PKD1L3: variants seen among roughly 807,000 people sequenced by gnomAD.
PKD1L3 encodes the protein polycystin-1-like protein 3.
PKD1L3 carries 239 observed loss-of-function variants against 184.1 expected under a neutral mutation model. The ratio of observed to expected loss-of-function variants is 1.30; its 90% CI spans 1.17 to 1.45. PKD1L3 has a LOEUF of 1.45. PKD1L3 is among the 40% of genes most tolerant of loss of function. The pLI, the probability that PKD1L3 is intolerant of heterozygous loss-of-function variation, is 0.00. For synonymous variants in PKD1L3, 996 were observed against 778.8 expected (o/e 1.28, Z -4.64); for missense variants, 2,660 against 2,067.2 (o/e 1.29, Z -5.56).
intron 5 of PKD1L3, among the ~76,000 whole-genome samples, chr16:71,985,439 G>A (rs1414387795): frequency 2.6e-5 from 4 of 152,008 alleles, no homozygotes; most frequent in African/African-American, 4.8e-5. Flanking sequence ...TTTTTTGAGA[G>A]AGAGTTTTGT....
In PKD1L3 at chr16:71,933,422, C is replaced by T; in HGVS notation, c.4924G>A (p.Glu1642Lys). The T allele has an allele frequency of 6.5e-7, 1 of 1,538,240 alleles. No homozygotes were observed. Among genetic ancestry groups the T allele is most frequent in the Non-Finnish European group, 8.8e-7 (1 of 1,134,772 alleles). The change falls in exon 28 of 30, where the codon GAG (glutamate) becomes AAG (lysine). Residue 1642 changes from glutamate to lysine, a missense_variant and splice_region_variant. Coordinates refer to ENST00000620267, the MANE Select transcript of PKD1L3 (RefSeq NM_181536.2). ...GLLMGISHQE[E>K]VFALDPVLGT... ...AGGAAACAAATTATTATTTTTACCT[C>T]CTCTTGGTGAGAAATTCCCATCAGG...
rs569160586 is a variant in PKD1L3, at chr16:71,997,697, G to A, written c.418+575C>T. 2.4e-4 allele frequency among the ~76,000 whole-genome samples: 37 copies of A among 152,116 alleles called. No homozygotes were observed. The South Asian group carries it at 5.2e-3, about 21-fold the overall frequency. On this transcript the variant is annotated intron_variant, in intron 2 of 29. Transcript: ENST00000620267. ...CGGGAGGCGGAGCTTGTGGTGAGCC[G>A]AGATTGTGCCATTGCACTCCAGCCT...
At chr16:71,983,687 G>GTTTTTC (rs1360422609) in intron 6 of PKD1L3, among the ~76,000 whole-genome samples, 14 of 109,390 alleles carry the variant, frequency 1.3e-4, no homozygotes, top group East Asian at 2.7e-4. Flanking sequence ...TTTTTTTTTG[G>GTTTTTC]AGACACAGTC....
intron 18 of PKD1L3, among the ~76,000 whole-genome samples, 173 bp downstream of exon 18, chr16:71,952,721 A>C (rs2038889875): frequency 1.3e-5 from 2 of 152,120 alleles, no homozygotes; most frequent in African/African-American, 4.8e-5. Flanking sequence ...CTGTAGTCCC[A>C]GCTACTTGGG....
intron 2 of PKD1L3, among the ~76,000 whole-genome samples, chr16:71,996,163 G>A (rs1371759155): frequency 6.6e-6 from 1 of 151,400 alleles, no homozygotes; most frequent in Non-Finnish European, 1.5e-5. Context: ...TCTTGCAAGG[G>A]TAACAACAGG....
intron 10 of PKD1L3, among the ~76,000 whole-genome samples, chr16:71,977,735 G>T (rs1267407807): frequency 1.3e-5 from 2 of 150,602 alleles, no homozygotes. Context: ...AATACTGCTG[G>T]GGTTAAGGAT....
Position 71,963,331 on chromosome 16 carries a change from A to C in PKD1L3, c.2486T>G (p.Val829Gly), listed in dbSNP as rs1472029518. 1 of 1,550,390 alleles carries C rather than the reference A, an allele frequency of 6.4e-7. No homozygotes were observed. Among genetic ancestry groups the C allele is most frequent in the Admixed American group, 2.0e-5 (1 of 50,746 alleles). The change falls in exon 16 of 30, where the codon GTC (valine) becomes GGC (glycine). Residue 829 changes from valine to glycine, a missense_variant. By Grantham distance (109) the Val-to-Gly change is moderately radical (BLOSUM62 -3). Coordinates refer to ENST00000620267, the MANE Select transcript of PKD1L3 (RefSeq NM_181536.2). ...SPSWYVSQVI[V>G]CDMAVKRKWH... Reference sequence around the variant, plus strand: ...CTTCCTCTTAACTGCCATGTCACAGACAATTACCTGGCTGACATACCTATA... The same window carrying C: ...CTTCCTCTTAACTGCCATGTCACAGCCAATTACCTGGCTGACATACCTATA...
intron 9 of PKD1L3, among the ~76,000 whole-genome samples, chr16:71,978,940 T>C (rs7202872): frequency 0.014 from 2,160 of 152,236 alleles, 57 homozygotes; most frequent in African/African-American, 0.048. Flanking sequence ...AAATTAAAGA[T>C]GAATTATCGT....
chr16:71,979,821 C>T lies in PKD1L3; in HGVS notation c.1363G>A (p.Glu455Lys). 4.0e-6 allele frequency: 6 copies of T among 1,514,506 alleles called. No individual in the cohort carries two copies. Among genetic ancestry groups the T allele is most frequent in the Non-Finnish European group, 5.3e-6 (6 of 1,137,236 alleles). The allele number at this position is 1,514,506 out of a possible 1,614,324, so 93.8% of individuals were successfully genotyped here. The change falls in exon 9 of 30, where the codon GAG becomes AAG. Residue 455 changes from glutamate (E) to lysine (K), a missense_variant. By Grantham distance (56) the Glu-to-Lys change is moderately conservative. Transcript: ENST00000620267. ...LGFPSALALK[E>K]LLNKHPGVNV... ...ACTCCTGGATGTTTATTCAAGAGCT[C>T]CTTCAAAGCTAAAGCCGACGGAAAG...
At position 71,986,277 on chromosome 16, in the gene PKD1L3, GAC is replaced by G; in HGVS notation, c.776_777del (p.Gly259AlafsTer23). 1.3e-6 allele frequency: 2 copies of G among 1,552,218 alleles called. No homozygotes were observed. The highest frequency in any genetic ancestry group is 2.4e-5 in the South Asian group (2 of 84,052). On this transcript the variant is annotated frameshift_variant, in exon 5 of 30. Coordinates refer to ENST00000620267, the MANE Select transcript of PKD1L3 (RefSeq NM_181536.2). LOFTEE classifies it high-confidence loss of function. Reference protein sequence around the residue: ...AETTSSPKEEGHPNTFTSYLQ... With the variant: ...AETTSSPKEEXHPNTFTSYLQ... ...AGATAAGAGGTGAAGGTATTCGGATGACCTTCTTCCTTTGGGCTTGAAGTTGT... is the reference window on the plus strand; with the variant it reads ...AGATAAGAGGTGAAGGTATTCGGATGCTTCTTCCTTTGGGCTTGAAGTTGT...
chr16:71,933,581 G>T, intron 27 of PKD1L3, 60 bp from the exon 28 acceptor site: 1 of 1,274,192 alleles, frequency 7.8e-7, no homozygotes, highest in Non-Finnish European at 1.1e-6. Flanking sequence ...CTATCCTGAG[G>T]TGCTTGGGGA....
In PKD1L3 at chr16:71,973,406, C is replaced by A; in HGVS notation, c.1871G>T (p.Ser624Ile). The A allele has an allele frequency of 1.3e-6, 2 of 1,551,684 alleles. No homozygotes were observed. Among genetic ancestry groups the A allele is most frequent in the Non-Finnish European group, 1.7e-6 (2 of 1,147,008 alleles). Residue 624 changes from serine (S) to isoleucine (I), a missense_variant, in exon 12 of 30, where the codon AGC becomes ATC. Coordinates refer to ENST00000620267, the MANE Select transcript of PKD1L3 (RefSeq NM_181536.2). ...ERQEGAQQTP[S>I]LVSVITAVTQ... is the part of the protein sequence containing the mutation. ...GACGGCGGTGATGACCGAGACCAAG[C>A]TGGGTGTCTGCTGAGCACCCTCCTG...
intron 12 of PKD1L3, among the ~76,000 whole-genome samples, chr16:71,972,313 C>T (rs568282100): frequency 1.3e-5 from 2 of 152,292 alleles, no homozygotes; most frequent in South Asian, 4.1e-4. Flanking sequence ...GCAGGAGAAT[C>T]GCTTGAGCCC....
intron 16 of PKD1L3, among the ~76,000 whole-genome samples, chr16:71,960,867 G>A (rs936316260): frequency 9.9e-5 from 15 of 152,086 alleles, no homozygotes; most frequent in Admixed American, 7.2e-4. Flanking sequence ...GGACCAGCTT[G>A]GCAAACACAG....
At chr16:71,947,073 T>C (rs533417019) in intron 22 of PKD1L3, among the ~76,000 whole-genome samples, 1 of 151,702 alleles carries the variant, frequency 6.6e-6, no homozygotes, top group African/African-American at 2.4e-5. Context: ...CTGGCCAACA[T>C]GGCAAAACCC....
At chr16:71,982,913 A>G (rs1387370925) in intron 6 of PKD1L3, among the ~76,000 whole-genome samples, 1 of 152,160 alleles carries the variant, frequency 6.6e-6, no homozygotes, top group South Asian at 2.1e-4. Context: ...TTCAATTTGC[A>G]TACTTCTTAT....
intron 1 of PKD1L3, among the ~76,000 whole-genome samples, 178 bp from the exon 2 acceptor site, chr16:71,998,572 T>G (rs1328795382): frequency 6.6e-6 from 1 of 152,186 alleles, no homozygotes; most frequent in Non-Finnish European, 1.5e-5. Flanking sequence ...TGCCTCAGCC[T>G]CCCAAGTAGC....
intron 9 of PKD1L3, among the ~76,000 whole-genome samples, chr16:71,978,806 T>C (rs1446375063): frequency 1.3e-5 from 2 of 151,966 alleles, no homozygotes; most frequent in Non-Finnish European, 2.9e-5. Context: ...TCCCAAAGTG[T>C]TGAGATTACA....
intron 28 of PKD1L3, 93 bp downstream of exon 28, chr16:71,933,327 A>C (rs1054931821): frequency 2.3e-6 from 2 of 878,246 alleles, no homozygotes; most frequent in Admixed American, 2.0e-5. Flanking sequence ...TCCAGTGTGC[A>C]GTGTACAGTA....
Sources: gnomAD v4.1 joint callset for allele counts (sites outside exome capture counted in the v4.1 genomes callset) on GRCh38, gnomAD v4.1.1 for gene constraint, MANE v1.5 for transcripts, NCBI Gene and HGNC (gene_info 2026-07-23, HGNC 2026-07-21) for gene names.